Variants in DPF3 observed in about 807,000 individuals in gnomAD.
The protein encoded by DPF3 is zinc finger protein DPF3.
Under a neutral mutation model 56.8 loss-of-function variants are expected in DPF3, and 18 were observed. That is an observed-to-expected ratio of 0.32 (90% CI 0.22 to 0.47). The LOEUF is 0.47. DPF3 is among the 20% of genes least tolerant of loss of function. DPF3 has a pLI of 1.00. For synonymous variants in DPF3, 188 were observed against 180.2 expected (o/e 1.04, Z -0.35); for missense variants, 403 against 488.8 (o/e 0.82, Z 1.65).
chr14:72,862,836 G>C (rs1038905093), intron 1 of DPF3, among the ~76,000 whole-genome samples: 3 of 152,000 alleles, frequency 2.0e-5, no homozygotes, highest in Non-Finnish European at 4.4e-5. Flanking sequence ...TCTTTACTTA[G>C]TTACATTATC....
chr14:72,874,167 G>GAA (rs35001992), intron 1 of DPF3, among the ~76,000 whole-genome samples: 1 of 137,366 alleles, frequency 7.3e-6, no homozygotes. Context: ...AAATCAATAA[G>GAA]AAAAAAAAAA....
At chr14:72,696,210 G>A (rs549708185) in intron 6 of DPF3, among the ~76,000 whole-genome samples, 15 of 152,332 alleles carry the variant, frequency 9.8e-5, no homozygotes, top group African/African-American at 2.9e-4. Context: ...CAGATCCCCA[G>A]TATAAACTCA....
chr14:72,737,201 A>G (rs1022166091), intron 3 of DPF3, among the ~76,000 whole-genome samples: 1 of 149,534 alleles, frequency 6.7e-6, no homozygotes, highest in African/African-American at 2.5e-5. Context: ...AAAAAAACAA[A>G]CAAACAAACA....
intron 1 of DPF3, among the ~76,000 whole-genome samples, chr14:72,812,397 C>T (rs1303597861): frequency 2.6e-5 from 4 of 152,306 alleles, no homozygotes; most frequent in East Asian, 1.9e-4. Flanking sequence ...CAGCTAAACC[C>T]GCTAATGTGC....
At chr14:72,829,920 T>C (rs1883983132) in intron 1 of DPF3, among the ~76,000 whole-genome samples, 1 of 151,858 alleles carries the variant, frequency 6.6e-6, no homozygotes. Flanking sequence ...CTTTTTTGTA[T>C]TTTTTAGTAG....
chr14:72,779,596 C>A (rs1412880230), intron 1 of DPF3, among the ~76,000 whole-genome samples: 1 of 152,216 alleles, frequency 6.6e-6, no homozygotes, highest in African/African-American at 2.4e-5. Context: ...CAACCCTCAG[C>A]AAGTTACTTA....
chr14:72,780,004 G>A (rs1174666637), intron 1 of DPF3, among the ~76,000 whole-genome samples: 1 of 152,216 alleles, frequency 6.6e-6, no homozygotes, highest in East Asian at 1.9e-4. Context: ...CATCTGGCTT[G>A]TTTACTGCTC....
intron 6 of DPF3, among the ~76,000 whole-genome samples, chr14:72,696,744 T>C (rs1367863839): frequency 6.6e-6 from 1 of 152,264 alleles, no homozygotes; most frequent in African/African-American, 2.4e-5. Context: ...CAAATCCTTT[T>C]GCTAGAACAG....
chr14:72,736,082 TACC>T (rs1258182376), intron 3 of DPF3, among the ~76,000 whole-genome samples: 1 of 152,248 alleles, frequency 6.6e-6, no homozygotes, highest in African/African-American at 2.4e-5. Context: ...AGAAATGTAA[TACC>T]GGCCACTTAT....
At chr14:72,721,418 G>A (rs1399297312) in intron 5 of DPF3, among the ~76,000 whole-genome samples, 1 of 152,194 alleles carries the variant, frequency 6.6e-6, no homozygotes, top group African/African-American at 2.4e-5. Context: ...GACATGCACA[G>A]CTCTTTGGGA....
intron 4 of DPF3, among the ~76,000 whole-genome samples, chr14:72,726,746 C>T (rs886125098): frequency 2.6e-5 from 4 of 152,090 alleles, no homozygotes; most frequent in Non-Finnish European, 4.4e-5. Context: ...CATTCCTTGT[C>T]CAAGGACATT....
intron 8 of DPF3, among the ~76,000 whole-genome samples, chr14:72,634,405 C>G (rs1885328473): frequency 6.6e-6 from 1 of 152,096 alleles, no homozygotes; most frequent in African/African-American, 2.4e-5. Context: ...CACTGTTAGA[C>G]AAAAAGAAGT....
intron 1 of DPF3, among the ~76,000 whole-genome samples, chr14:72,859,470 C>CCA (rs60723607): frequency 0.017 from 321 of 19,148 alleles, 2 homozygotes; most frequent in African/African-American, 0.062. Context: ...GCAGCTTCCT[C>CCA]CCCCCCCCCC....
rs762899440 is a variant in DPF3 at position 72,612,475 on chromosome 14, T to A, written c.*6822A>T. On this transcript the variant is annotated 3_prime_UTR_variant, in exon 11 of 11. Coordinates refer to ENST00000556509, the MANE Select transcript of DPF3 (RefSeq NM_001280542.3). ...TAATTTAGGCTTCTTCAACTACATG[T>A]TGAAAATGTGCACGGGGTATATTTT... 2 of 518,856 alleles carry A rather than the reference T, an allele frequency of 3.9e-6. No individual in the cohort carries two copies. The highest frequency in any genetic ancestry group is 3.9e-5 in the African/African-American group (2 of 51,948). The allele number at this position is 518,856 out of a possible 1,614,324, so 32.1% of individuals were successfully genotyped here. A position where few individuals can be genotyped will look rare whatever the true frequency, so the allele number is the denominator to read the frequency against.
At chr14:72,787,445 G>A (rs1291148729) in intron 1 of DPF3, among the ~76,000 whole-genome samples, 3 of 152,134 alleles carry the variant, frequency 2.0e-5, no homozygotes, top group African/African-American at 7.2e-5. Flanking sequence ...CCAAATGATG[G>A]AACACGGGCA....
rs535248815 is a variant in DPF3 at position 72,683,769 on chromosome 14, T to C, written c.742+9307A>G. 5.3e-5 allele frequency among the ~76,000 whole-genome samples: 8 copies of C among 152,300 alleles called. No homozygotes were observed. The East Asian group carries it at 5.8e-4, about 11-fold the overall frequency. ...TCATTAACAATCAGGTTGGAATTCA[T>C]AGATCCAGGGTACAGCCTGAGATTC... On this transcript the variant is annotated intron_variant, in intron 7 of 10. Coordinates refer to ENST00000556509, the MANE Select transcript of DPF3 (RefSeq NM_001280542.3).
intron 1 of DPF3, among the ~76,000 whole-genome samples, chr14:72,865,133 TGC>T (rs1885611665): frequency 6.6e-6 from 1 of 152,120 alleles, no homozygotes; most frequent in East Asian, 1.9e-4. Flanking sequence ...GAGTCACGGG[TGC>T]TGGCTGGAGT....
chr14:72,877,819 C>T (rs1886172145), intron 1 of DPF3, among the ~76,000 whole-genome samples: 1 of 152,156 alleles, frequency 6.6e-6, no homozygotes. Context: ...TGGTCCGAAC[C>T]TGTTTCCCAT....
intron 9 of DPF3, among the ~76,000 whole-genome samples, chr14:72,620,543 G>A (rs77859590): frequency 3.2e-4 from 49 of 152,310 alleles, no homozygotes; most frequent in African/African-American, 1.1e-3. Context: ...TGGAGCCCGG[G>A]TGAGAGCAGG....
Sources: gnomAD v4.1 joint callset for allele counts (sites outside exome capture counted in the v4.1 genomes callset) on GRCh38, gnomAD v4.1.1 for gene constraint, MANE v1.5 for transcripts, NCBI Gene and HGNC (gene_info 2026-07-23, HGNC 2026-07-21) for gene names.